The following DLG5 variants were observed in gnomAD, a reference collection of about 807,000 sequenced individuals.
DLG5 encodes the protein discs large MAGUK scaffold protein 5.
Under a neutral mutation model 189.8 loss-of-function variants are expected in DLG5, and 48 were observed. The observed-to-expected ratio is 0.25, with a 90% CI of 0.20 to 0.32. The LOEUF (loss-of-function observed/expected upper bound fraction) is 0.32. Among genes scored for constraint, DLG5 ranks in the 10% least tolerant of loss-of-function variants. The pLI is 1.00. For synonymous variants in DLG5, 1,016 were observed against 1,054.1 expected (o/e 0.96, Z 0.70); for missense variants, 2,160 against 2,544.7 (o/e 0.85, Z 3.25).
intron 2 of DLG5, chr10:77,867,039 G>T: frequency 2.2e-6 from 1 of 457,146 alleles, no homozygotes; most frequent in South Asian, 1.5e-5. Context: ...CACTCTGCCT[G>T]CCTGTGATGC....
At chr10:77,854,593 A>G (rs565358244) in intron 3 of DLG5, among the ~76,000 whole-genome samples, 6 of 152,322 alleles carry the variant, frequency 3.9e-5, no homozygotes, top group Non-Finnish European at 8.8e-5. Context: ...AGCTCCCTGC[A>G]TGGGCCTGGA....
Position 77,806,738 on chromosome 10 carries a change from C to CCCCCCCCCCCCCCACA in DLG5, c.4967+19_4967+20insTGTGGGGGGGGGGGGG. The CCCCCCCCCCCCCCACA allele has an allele frequency of 6.4e-7, 1 of 1,574,708 alleles. No individual in the cohort carries two copies. The highest frequency in any genetic ancestry group is 8.7e-7 in the Non-Finnish European group (1 of 1,147,896). On this transcript the variant is annotated intron_variant, in intron 26 of 31. Transcript: ENST00000372391. ...CGGCGACCCCTGCCCCACCCCACCC[C>CCCCCCCCCCCCCCACA]AGGCCCGGAGAACACTTACACATAT...
chr10:77,925,389 C>T (rs1167492033), intron 1 of DLG5, among the ~76,000 whole-genome samples: 1 of 152,192 alleles, frequency 6.6e-6, no homozygotes, highest in African/African-American at 2.4e-5. Context: ...GGCTGGCTTC[C>T]ACACTCCACG....
intron 20 of DLG5, among the ~76,000 whole-genome samples, chr10:77,812,960 G>A (rs76345923): frequency 6.6e-6 from 1 of 152,360 alleles, no homozygotes; most frequent in East Asian, 1.9e-4. Context: ...CCGGGGCAGG[G>A]GCTCGGCAGG....
intron 5 of DLG5, among the ~76,000 whole-genome samples, chr10:77,852,101 G>A (rs1307740082): frequency 6.6e-6 from 1 of 152,170 alleles, no homozygotes; most frequent in Non-Finnish European, 1.5e-5. Context: ...GGCTGGGTGT[G>A]ATGACTCACA....
At chr10:77,864,849 T>C (rs1418983263) in intron 2 of DLG5, among the ~76,000 whole-genome samples, 2 of 152,190 alleles carry the variant, frequency 1.3e-5, no homozygotes, top group Non-Finnish European at 2.9e-5. Context: ...TTTCCCCAGC[T>C]TGGAGTGAAA....
chr10:77,820,551 T>A (rs1203470331), intron 15 of DLG5: 1 of 167,446 alleles, frequency 6.0e-6, no homozygotes. Flanking sequence ...TTCACAGAGA[T>A]CACGTAAAAG....
upstream of DLG5, among the ~76,000 whole-genome samples, chr10:77,930,936 T>G (rs956444387): frequency 6.6e-6 from 1 of 151,510 alleles, no homozygotes; most frequent in African/African-American, 2.4e-5. Context: ...TTCTCCTGCT[T>G]CAGCCTCCTG....
In DLG5 at chr10:77,823,079, C is replaced by T. The variant is rs151314799; in HGVS notation, c.2383-978G>A. Among the ~76,000 whole-genome samples the T allele has an allele frequency of 4.0e-3, 614 of 152,294 alleles. 5 individuals carry two copies. Among genetic ancestry groups the T allele is most frequent in the African/African-American group, 0.014 (577 of 41,562 alleles). On this transcript the variant is annotated intron_variant, in intron 14 of 31. Coordinates refer to ENST00000372391, the MANE Select transcript of DLG5 (RefSeq NM_004747.4). ...TGCATTATAGTTAATACTAATGCAT[C>T]CACATTGGCTCACTAATTATAACGC...
At position 77,817,787 on chromosome 10, in the gene DLG5, G is replaced by A. The variant is rs201789172; in HGVS notation, c.3774C>T (p.Ser1258=). The stretch of plus-strand genomic sequence containing the variant: ...AAGTGGTGCAGTTACCCAGGCGGGC[G>A]CTGGAGGGCAGTGAGTTGGACCCAT... ...ATHGSNSLPS[S]ARLGSSSNLQ... is the part of the protein sequence containing the mutation. The change falls in exon 18 of 32, where the codon AGC becomes AGT. Residue 1258 remains serine (S), a synonymous_variant. Transcript: ENST00000372391. 3.0e-5 allele frequency: 46 copies of A among 1,553,834 alleles called. No homozygotes were observed. Among genetic ancestry groups the A allele is most frequent in the Middle Eastern group, 1.7e-4 (1 of 5,990 alleles).
intron 5 of DLG5, among the ~76,000 whole-genome samples, chr10:77,845,931 C>CT (rs1356000488): frequency 4.3e-5 from 4 of 92,822 alleles, no homozygotes; most frequent in African/African-American, 8.4e-5. Flanking sequence ...TAAAATCTTT[C>CT]TTTAAAAAAA....
chr10:77,935,179 T>G, the DLG5 span, among the ~76,000 whole-genome samples: 3 of 152,062 alleles, frequency 2.0e-5, no homozygotes, highest in Non-Finnish European at 4.4e-5. Context: ...GTTCTAAGGC[T>G]CTAAGTTGGT....
intron 1 of DLG5, among the ~76,000 whole-genome samples, chr10:77,899,417 C>T (rs1408541288): frequency 6.6e-6 from 1 of 152,244 alleles, no homozygotes; most frequent in Non-Finnish European, 1.5e-5. Context: ...AATCCCGACT[C>T]ACTGGCTTGG....
chr10:77,841,971 C>T lies in DLG5; in HGVS notation c.1347G>A (p.Leu449=). The stretch of plus-strand genomic sequence containing the variant: ...ACTCGGCCAGCTCCACTTCGGTCTG[C>T]AGCTTGTCCAGCTCAGAGATGACCT... ...RDQVISELDK[L]QTEVELAESK... The change falls in exon 7 of 32, where the codon CTG becomes CTA. Residue 449 remains leucine, a synonymous_variant. Coordinates refer to ENST00000372391, the MANE Select transcript of DLG5 (RefSeq NM_004747.4). The T allele has an allele frequency of 6.2e-7, 1 of 1,614,186 alleles. No individual in the cohort carries two copies. Among genetic ancestry groups the T allele is most frequent in the East Asian group, 2.2e-5 (1 of 44,890 alleles).
chr10:77,841,915 T>C lies in DLG5; in HGVS notation c.1403A>G (p.Lys468Arg). ...CGCCTCCATCTCCTCATTGGCCGCC[T>C]TCTTCTCAGATGTGCTGCTCTTGAG... ...SKLKSSTSEK[K>R]AANEEMEALR... Residue 468 changes from lysine (K) to arginine (R), a missense_variant, in exon 7 of 32, where the codon AAG (lysine) becomes AGG (arginine). Coordinates refer to ENST00000372391, the MANE Select transcript of DLG5 (RefSeq NM_004747.4). 1 of 1,611,322 alleles carries C rather than the reference T, an allele frequency of 6.2e-7. No individual in the cohort carries two copies. Among genetic ancestry groups the C allele is most frequent in the Non-Finnish European group, 8.5e-7 (1 of 1,177,746 alleles).
At chr10:77,925,796 A>T (rs1228350951) in intron 1 of DLG5, among the ~76,000 whole-genome samples, 3 of 152,068 alleles carry the variant, frequency 2.0e-5, no homozygotes, top group Admixed American at 6.5e-5. Context: ...CAGCGACCAA[A>T]ACTTAAGAGT....
At chr10:77,924,116 C>A (rs2559659) in intron 1 of DLG5, among the ~76,000 whole-genome samples, 1 of 152,050 alleles carries the variant, frequency 6.6e-6, no homozygotes, top group Admixed American at 6.5e-5. Context: ...CTGCCCGCCT[C>A]GGCCTCCCAA....
At chr10:77,893,794 T>G (rs1466946658) in intron 1 of DLG5, among the ~76,000 whole-genome samples, 1 of 152,244 alleles carries the variant, frequency 6.6e-6, no homozygotes, top group East Asian at 1.9e-4. Context: ...TAATTCTCCC[T>G]GGAGGAAACT....
In DLG5 at chr10:77,841,916, T is replaced by C. The variant is rs1329153494; in HGVS notation, c.1402A>G (p.Lys468Glu). The change falls in exon 7 of 32, where the codon AAG becomes GAG. Residue 468 changes from lysine to glutamate, a missense_variant. Physicochemically the swap from Lys to Glu is moderately conservative, Grantham distance 56 (BLOSUM62 1). This residue lies in a region of DLG5 where 664 missense variants were observed against 838.5 expected (regional missense o/e 0.79). Coordinates refer to ENST00000372391, the MANE Select transcript of DLG5 (RefSeq NM_004747.4). ...GCCTCCATCTCCTCATTGGCCGCCT[T>C]CTTCTCAGATGTGCTGCTCTTGAGC... is the stretch of plus-strand genomic sequence containing the variant. Reference protein sequence around the residue: ...SKLKSSTSEKKAANEEMEALR... With the variant: ...SKLKSSTSEKEAANEEMEALR... 6.8e-6 allele frequency: 11 copies of C among 1,611,562 alleles called. No individual in the cohort carries two copies. Among genetic ancestry groups the C allele is most frequent in the Non-Finnish European group, 9.3e-6 (11 of 1,177,948 alleles).
Sources: allele counts gnomAD v4.1 joint callset (sites outside exome capture counted in the v4.1 genomes callset), GRCh38; gene constraint gnomAD v4.1.1; regional missense constraint gnomAD v4.1.1; transcripts MANE v1.5; gene names NCBI Gene and HGNC (gene_info 2026-07-23, HGNC 2026-07-21).